The following VWA8 variants were observed in gnomAD, a reference collection of about 807,000 sequenced individuals.
VWA8 encodes von Willebrand factor A domain-containing protein 8.
A neutral mutation model predicts 241.5 loss-of-function variants in VWA8; 221 were observed. The observed-to-expected ratio is 0.91, with a 90% confidence interval of 0.82 to 1.02. The LOEUF is 1.02. VWA8 is among the 50% of genes least tolerant of loss of function. The pLI is 0.00. For missense variants in VWA8, 2,322 were observed against 2,328.7 expected, an observed-to-expected ratio of 1.00 and a Z score of 0.06; for synonymous variants, 852 against 827.1, an observed-to-expected ratio of 1.03 and a Z score of -0.52.
At chr13:41,806,984 A>G (rs531867590) in intron 17 of VWA8, among the ~76,000 whole-genome samples, 1 of 152,200 alleles carries the variant, frequency 6.6e-6, no homozygotes, top group Non-Finnish European at 1.5e-5. Context: ...TCAAATAAAT[A>G]AAATCAGAGA....
At chr13:41,835,238 CAAAAT>C (rs1007490019) in intron 12 of VWA8, among the ~76,000 whole-genome samples, 1 of 151,996 alleles carries the variant, frequency 6.6e-6, no homozygotes, top group Non-Finnish European at 1.5e-5. Flanking sequence ...CCTCTGAACT[CAAAAT>C]AAAAGTTGGA....
At chr13:41,841,862 A>AT (rs1872071432) in intron 12 of VWA8, among the ~76,000 whole-genome samples, 1 of 96,664 alleles carries the variant, frequency 1.0e-5, no homozygotes, top group Non-Finnish European at 2.1e-5. Context: ...TATATATAAA[A>AT]ACAGTAGACA....
chr13:41,583,229 G>A (rs530847557), intron 42 of VWA8, among the ~76,000 whole-genome samples: 8 of 152,248 alleles, frequency 5.3e-5, no homozygotes, highest in South Asian at 4.2e-4. Flanking sequence ...TGCCAGGGGC[G>A]GTAGGAAGAT....
chr13:41,620,372 C>T lies in VWA8; in HGVS notation c.4612-5288G>A, dbSNP rs112453127. 4.7e-3 allele frequency among the ~76,000 whole-genome samples: 707 copies of T among 151,956 alleles called. 10 individuals carry two copies. The highest frequency in any genetic ancestry group is 0.016 in the African/African-American group (665 of 41,472). ...GATTCTTCTCTCTTTTCTTCTTTAT[C>T]AGTCTTGCCAGCGGTCTATCTATTC... On this transcript the variant is annotated intron_variant, in intron 37 of 44. Coordinates refer to ENST00000379310, the MANE Select transcript of VWA8 (RefSeq NM_015058.2).
intron 4 of VWA8, chr13:41,905,065 G>A (rs962891637): frequency 2.0e-5 from 3 of 151,920 alleles, no homozygotes; most frequent in East Asian, 1.9e-4. Context: ...ATTGAGAGTC[G>A]AAGTCAACAA....
At chr13:41,849,808 A>G (rs998531108) in intron 12 of VWA8, among the ~76,000 whole-genome samples, 2 of 151,922 alleles carry the variant, frequency 1.3e-5, no homozygotes, top group Non-Finnish European at 2.9e-5. Context: ...AATCACTTGA[A>G]CCTGGGTGGC....
chr13:41,717,557 ACTCT>A (rs1004583577), intron 26 of VWA8, among the ~76,000 whole-genome samples: 7 of 151,664 alleles, frequency 4.6e-5, no homozygotes, highest in South Asian at 2.1e-4. Flanking sequence ...TTGTCATCCT[ACTCT>A]CTCTAAGTAC....
chr13:41,782,848 A>G (rs1868949932), intron 19 of VWA8, among the ~76,000 whole-genome samples: 1 of 151,950 alleles, frequency 6.6e-6, no homozygotes, highest in South Asian at 2.1e-4. Flanking sequence ...CTCTAAAAAA[A>G]TTCTTATTAA....
intron 14 of VWA8, among the ~76,000 whole-genome samples, chr13:41,824,689 A>G (rs1406706478): frequency 6.6e-6 from 1 of 151,928 alleles, no homozygotes; most frequent in Non-Finnish European, 1.5e-5. Context: ...TAATTAGTCT[A>G]GTGTGGTGGT....
At chr13:41,689,044 A>T (rs898714768) in intron 34 of VWA8, among the ~76,000 whole-genome samples, 1 of 152,072 alleles carries the variant, frequency 6.6e-6, no homozygotes, top group Non-Finnish European at 1.5e-5. Flanking sequence ...ATTATAGAAG[A>T]CATGACAGAA....
At chr13:41,929,063 T>G (rs1267924822) in intron 2 of VWA8, among the ~76,000 whole-genome samples, 1 of 151,276 alleles carries the variant, frequency 6.6e-6, no homozygotes, top group African/African-American at 2.4e-5. Flanking sequence ...AATCCTAAAA[T>G]ATATGTGTAA....
chr13:41,950,034 C>T, intron 1 of VWA8, 21 bp from the exon 2 acceptor site: 1 of 1,434,950 alleles, frequency 7.0e-7, no homozygotes, highest in Non-Finnish European at 9.6e-7. Flanking sequence ...ATTTTAAAAA[C>T]AGAATAATTA....
chr13:41,913,484 C>T (rs1461740706), intron 2 of VWA8, among the ~76,000 whole-genome samples: 1 of 152,052 alleles, frequency 6.6e-6, no homozygotes, highest in Non-Finnish European at 1.5e-5. Context: ...GTTTAATCAC[C>T]CCACTGAGGT....
intron 26 of VWA8, among the ~76,000 whole-genome samples, chr13:41,703,612 A>G (rs2045264391): frequency 6.6e-6 from 1 of 152,214 alleles, no homozygotes; most frequent in Non-Finnish European, 1.5e-5. Context: ...CTCGCATTTC[A>G]GAAACTAAGA....
intron 37 of VWA8, 32 bp from the exon 38 acceptor site, chr13:41,615,116 T>C: frequency 1.9e-6 from 3 of 1,609,282 alleles, no homozygotes; most frequent in Non-Finnish European, 2.6e-6. Flanking sequence ...ATTTTTACTA[T>C]CCTGTGACAA....
intron 12 of VWA8, among the ~76,000 whole-genome samples, chr13:41,848,346 G>C (rs971489786): frequency 1.3e-5 from 2 of 152,284 alleles, no homozygotes; most frequent in East Asian, 1.9e-4. Flanking sequence ...ATAGAAAAAG[G>C]CTTGCTAAGA....
In VWA8 at chr13:41,926,318, G is replaced by A. The variant is rs983731055; in HGVS notation, c.242-14150C>T. On this transcript the variant is annotated intron_variant, in intron 2 of 44. Transcript: ENST00000379310. ...TGATACTAAATGATTTTGTGAGGCA[G>A]AAATTTATCATCTGCTCTAAGATCA... The A allele has an allele frequency of 6.7e-6, 4 of 596,140 alleles. No individual in the cohort carries two copies. In the African/African-American group the frequency reaches 7.4e-5, roughly 11 times the overall value. The allele number at this position is 596,140 out of a possible 1,614,324, so 36.9% of individuals were successfully genotyped here.
intron 41 of VWA8, among the ~76,000 whole-genome samples, chr13:41,589,493 C>T (rs1029234963): frequency 1.1e-4 from 16 of 152,064 alleles, no homozygotes; most frequent in African/African-American, 3.4e-4. Context: ...GTGGACAATC[C>T]GTGTTGGAGC....
Position 41,573,362 on chromosome 13 carries a change from G to C in VWA8, c.5370+2378C>G, listed in dbSNP as rs764878571. ...GAACCCGGGAGGAGGAGGTCGTAGC[G>C]GGCCGAGATTGTGCCACTGCACTCT... is the stretch of plus-strand genomic sequence containing the variant. On this transcript the variant is annotated intron_variant, in intron 43 of 44. Coordinates refer to ENST00000379310, the MANE Select transcript of VWA8 (RefSeq NM_015058.2). Among the ~76,000 whole-genome samples, 4 of 150,528 alleles carry C rather than the reference G, an allele frequency of 2.7e-5. No individual in the cohort carries two copies. In the East Asian group the frequency reaches 7.8e-4, roughly 29 times the overall value.
Sources: allele counts gnomAD v4.1 joint callset (sites outside exome capture counted in the v4.1 genomes callset), GRCh38; gene constraint gnomAD v4.1.1; transcripts MANE v1.5; gene names NCBI Gene and HGNC (gene_info 2026-07-23, HGNC 2026-07-21).